Variants in DCDC2 observed in about 807,000 individuals in gnomAD.
The protein encoded by DCDC2 is doublecortin domain containing 2.
A neutral mutation model predicts 50.2 loss-of-function variants in DCDC2; 40 were observed. The ratio of observed to expected loss-of-function variants is 0.80; its 90% CI spans 0.62 to 1.04. The LOEUF (loss-of-function observed/expected upper bound fraction) is 1.04, where lower values mean the gene tolerates loss of function less well. Ranked by LOEUF, DCDC2 falls within the 50% of genes least tolerant of loss-of-function variation. The pLI, the probability that DCDC2 is intolerant of heterozygous loss-of-function variation, is 0.00. For synonymous variants in DCDC2, 234 were observed against 210.6 expected, an observed-to-expected ratio of 1.11 and a Z score of -0.96; for missense variants, 570 against 581.9, an observed-to-expected ratio of 0.98 and a Z score of 0.21.
At chr6:24,353,803 C>T (rs1760416644) in intron 1 of DCDC2, among the ~76,000 whole-genome samples, 180 bp from the exon 2 acceptor site, 1 of 152,180 alleles carries the variant, frequency 6.6e-6, no homozygotes, top group South Asian at 2.1e-4. Context: ...GTGTCACCAA[C>T]CAGAGCTGAC....
In DCDC2 at chr6:24,329,326, C is replaced by G. The variant is rs558907705; in HGVS notation, c.348+24243G>C. Among the ~76,000 whole-genome samples, 82 of 152,258 alleles carry G rather than the reference C, an allele frequency of 5.4e-4. No homozygotes were observed. The South Asian group carries it at 0.015, about 28-fold the overall frequency. On this transcript the variant is annotated intron_variant, in intron 2 of 9. Transcript: ENST00000378454. ...GCTAGACTTCCTGGACAGACTTTAT[C>G]ATTTGTTTGTTTTCCTGAGTATGTA... is the stretch of plus-strand genomic sequence containing the variant.
At chr6:24,198,419 C>G (rs569607395) in intron 8 of DCDC2, among the ~76,000 whole-genome samples, 1 of 152,180 alleles carries the variant, frequency 6.6e-6, no homozygotes, top group African/African-American at 2.4e-5. Flanking sequence ...AACTCACTCC[C>G]CTAGCCAAGG....
chr6:24,223,256 T>C (rs760861314), intron 7 of DCDC2, among the ~76,000 whole-genome samples: 23 of 152,242 alleles, frequency 1.5e-4, no homozygotes, highest in Non-Finnish European at 2.6e-4. Flanking sequence ...TGTTCTTAAG[T>C]ACATTTTAAG....
chr6:24,252,055 G>A (rs1440350874), intron 7 of DCDC2, among the ~76,000 whole-genome samples: 1 of 152,078 alleles, frequency 6.6e-6, no homozygotes, highest in Non-Finnish European at 1.5e-5. Flanking sequence ...CACTAACATC[G>A]TCCTCTCCAG....
At chr6:24,362,377 T>TTTTATTTAATTGTATATTG (rs1561790897), upstream of DCDC2, among the ~76,000 whole-genome samples, 33 of 34,290 alleles carry the variant, frequency 9.6e-4, 7 homozygotes, top group South Asian at 5.4e-3. Flanking sequence ...ATTGTATGTT[T>TTTTATTTAATTGTATATTG]ATACAATTAT....
intron 1 of DCDC2, 39 bp downstream of exon 1, chr6:24,357,419 G>T: frequency 6.4e-7 from 1 of 1,559,606 alleles, no homozygotes; most frequent in Non-Finnish European, 8.7e-7. Context: ...CACACTATAG[G>T]GCACCTAAAT....
At chr6:24,359,471 A>G (rs1384116617), upstream of DCDC2, among the ~76,000 whole-genome samples, 102 of 6,784 alleles carry the variant, frequency 0.015, 6 homozygotes, top group South Asian at 0.025. Context: ...ATACTATATA[A>G]TATATATTTT....
At position 24,220,887 on chromosome 6, in the gene DCDC2, A is replaced by AGAGCGAGC. The variant is rs879543671; in HGVS notation, c.923-15786_923-15785insGCTCGCTC. ...CAGAGAGCAAGAGAGCGAGAGCGAG[A>AGAGCGAGC]GAGTGAGCGAGCGAGCGAGAGAGTG... On this transcript the variant is annotated intron_variant, in intron 7 of 9. Coordinates refer to ENST00000378454, the MANE Select transcript of DCDC2 (RefSeq NM_016356.5). Among the ~76,000 whole-genome samples, 136 of 114,878 alleles carry AGAGCGAGC rather than the reference A, an allele frequency of 1.2e-3. 4 individuals carry two copies. Among genetic ancestry groups the AGAGCGAGC allele is most frequent in the African/African-American group, 4.2e-3 (113 of 26,928 alleles). 75.4% of individuals were successfully genotyped at this position (114,878 alleles called of 152,430 possible).
At chr6:24,214,573 T>G (rs1188775000) in intron 7 of DCDC2, among the ~76,000 whole-genome samples, 1 of 152,220 alleles carries the variant, frequency 6.6e-6, no homozygotes, top group African/African-American at 2.4e-5. Flanking sequence ...ATTAAGTACC[T>G]CTGAGTAGGT....
chr6:24,198,402 G>T (rs1326629151), intron 8 of DCDC2, among the ~76,000 whole-genome samples: 2 of 152,142 alleles, frequency 1.3e-5, no homozygotes, highest in African/African-American at 2.4e-5. Flanking sequence ...AGCACAAGGG[G>T]TTGGGGAACT....
intron 2 of DCDC2, among the ~76,000 whole-genome samples, chr6:24,325,303 T>C (rs912138415): frequency 6.7e-5 from 10 of 149,552 alleles, no homozygotes; most frequent in Non-Finnish European, 1.2e-4. Context: ...AATTATGAGG[T>C]CCTCTGGGCG....
intron 4 of DCDC2, among the ~76,000 whole-genome samples, chr6:24,294,438 A>G (rs1763817591): frequency 6.6e-6 from 1 of 152,214 alleles, no homozygotes; most frequent in African/African-American, 2.4e-5. Context: ...AACCAACTCC[A>G]GAGCTAGCAG....
At chr6:24,187,596 G>A (rs1277191) in intron 8 of DCDC2, among the ~76,000 whole-genome samples, 68,052 of 152,104 alleles carry the variant, frequency 0.45, 18,416 homozygotes, top group Non-Finnish European at 0.58. Context: ...ATAGAATAAC[G>A]GGGAAATATC....
At chr6:24,208,977 T>C (rs1349760136) in intron 7 of DCDC2, among the ~76,000 whole-genome samples, 2 of 152,222 alleles carry the variant, frequency 1.3e-5, no homozygotes, top group East Asian at 3.8e-4. Context: ...CGTGGGCCAA[T>C]GTGAGTGTTC....
intron 7 of DCDC2, among the ~76,000 whole-genome samples, chr6:24,208,895 T>G (rs4506039): frequency 0.023 from 3,462 of 152,298 alleles, 102 homozygotes; most frequent in African/African-American, 0.075. Flanking sequence ...AACACCAAAT[T>G]TTTGGCATTG....
chr6:24,311,646 T>G (rs1759571702), intron 2 of DCDC2, among the ~76,000 whole-genome samples: 2 of 152,224 alleles, frequency 1.3e-5, no homozygotes, highest in Admixed American at 1.3e-4. Flanking sequence ...AAAATAACCT[T>G]ATGAGGCTAC....
chr6:24,176,157 G>A (rs981149427), intron 9 of DCDC2, among the ~76,000 whole-genome samples: 3 of 152,072 alleles, frequency 2.0e-5, no homozygotes, highest in African/African-American at 7.2e-5. Context: ...TATATGGCCT[G>A]GCATGGTGGC....
At chr6:24,284,677 G>A (rs1238414260) in intron 6 of DCDC2, among the ~76,000 whole-genome samples, 1 of 151,048 alleles carries the variant, frequency 6.6e-6, no homozygotes, top group Non-Finnish European at 1.5e-5. Context: ...ACCCTCAAAT[G>A]GCACCCCATC....
intron 8 of DCDC2, among the ~76,000 whole-genome samples, chr6:24,184,712 C>G (rs994069941): frequency 6.6e-6 from 1 of 152,064 alleles, no homozygotes; most frequent in Non-Finnish European, 1.5e-5. Flanking sequence ...CAGTATATAA[C>G]AAAACTCCCG....
Sources: allele counts gnomAD v4.1 joint callset (sites outside exome capture counted in the v4.1 genomes callset), GRCh38; gene constraint gnomAD v4.1.1; transcripts MANE v1.5; gene names NCBI Gene and HGNC (gene_info 2026-07-23, HGNC 2026-07-21).